The following MXRA7 variants were observed in gnomAD, a reference collection of about 807,000 sequenced individuals.
MXRA7 encodes the protein matrix remodeling associated 7.
In MXRA7, 18 loss-of-function variants were observed where a neutral mutation model predicts 17.4. That is an observed-to-expected ratio of 1.03 (90% confidence interval 0.71 to 1.53). The LOEUF (loss-of-function observed/expected upper bound fraction) is 1.53, where lower values mean the gene tolerates loss of function less well. Among genes scored for constraint, MXRA7 ranks in the 40% most tolerant of loss-of-function variants. The pLI is 0.00. For synonymous variants in MXRA7, 70 were observed against 101.7 expected, an observed-to-expected ratio of 0.69 and a Z score of 1.87; for missense variants, 141 against 209.3, an observed-to-expected ratio of 0.67 and a Z score of 2.01.
chr17:76,710,454 G>C (rs937587981), intron 1 of MXRA7, 151 bp downstream of exon 1: 1 of 572,384 alleles, frequency 1.7e-6, no homozygotes, highest in Non-Finnish European at 2.5e-6. Flanking sequence ...AGCATGGCGG[G>C]ACCTGCATTT....
At chr17:76,702,887 A>ACGTATATATATATATATATATACG in intron 1 of MXRA7, among the ~76,000 whole-genome samples, 1 of 149,632 alleles carries the variant, frequency 6.7e-6, no homozygotes, top group African/African-American at 2.5e-5. Context: ...ATATATATAT[A>ACGTATATATATATATATATATACG]TATCTTGAGG....
chr17:76,691,023 C>T (rs2076474244), intron 1 of MXRA7, among the ~76,000 whole-genome samples: 1 of 152,138 alleles, frequency 6.6e-6, no homozygotes, highest in African/African-American at 2.4e-5. Context: ...GTCTTTTGTT[C>T]TAATGAGGTA....
intron 3 of MXRA7, among the ~76,000 whole-genome samples, chr17:76,684,298 G>A (rs1449982292): frequency 1.3e-5 from 2 of 152,134 alleles, no homozygotes; most frequent in South Asian, 2.1e-4. Context: ...GCTCTGGGTC[G>A]CCAGGCTTGG....
At chr17:76,705,009 C>T (rs2076640647) in intron 1 of MXRA7, among the ~76,000 whole-genome samples, 1 of 152,108 alleles carries the variant, frequency 6.6e-6, no homozygotes, top group Admixed American at 6.5e-5. Flanking sequence ...CTCCCTCCTC[C>T]CACAGTGTGG....
At chr17:76,690,425 A>G (rs963651371) in intron 1 of MXRA7, among the ~76,000 whole-genome samples, 4 of 152,056 alleles carry the variant, frequency 2.6e-5, no homozygotes, top group African/African-American at 4.8e-5. Flanking sequence ...AAAAAAAGTA[A>G]GAGGCCAGGT....
chr17:76,689,263 TTG>T (rs2076449614), intron 1 of MXRA7: 1 of 152,196 alleles, frequency 6.6e-6, no homozygotes, highest in African/African-American at 2.4e-5. Flanking sequence ...GCTAATTTTT[TTG>T]TGTTTTCAGT....
chr17:76,677,386 C>A, downstream of MXRA7: 1 of 507,882 alleles, frequency 2.0e-6, no homozygotes, highest in Non-Finnish European at 3.5e-6. Flanking sequence ...GGGTCAGGGA[C>A]TTTGTCTTCT....
chr17:76,691,427 TGAG>T (rs1417192357), intron 1 of MXRA7, among the ~76,000 whole-genome samples: 1 of 152,042 alleles, frequency 6.6e-6, no homozygotes, highest in Non-Finnish European at 1.5e-5. Context: ...TTACTCAACT[TGAG>T]GAGGGGTTCA....
chr17:76,697,313 G>A (rs1032995906), intron 1 of MXRA7, among the ~76,000 whole-genome samples: 1 of 152,210 alleles, frequency 6.6e-6, no homozygotes, highest in African/African-American at 2.4e-5. Context: ...GGGCTTAGGA[G>A]GACCCGAACC....
chr17:76,703,740 C>CA (rs11304599), intron 1 of MXRA7: 79,023 of 146,930 alleles, frequency 0.54, 21,191 homozygotes, highest in East Asian at 0.78. Context: ...GGTCCTAGCT[C>CA]AAAAAAAAAA....
intron 1 of MXRA7, among the ~76,000 whole-genome samples, chr17:76,696,228 G>C (rs2076531650): frequency 6.6e-6 from 1 of 152,120 alleles, no homozygotes; most frequent in Non-Finnish European, 1.5e-5. Context: ...TTTCAAACAG[G>C]GATAAACAAG....
intron 2 of MXRA7, 42 bp from the exon 3 acceptor site, chr17:76,685,207 G>A (rs909076612): frequency 6.7e-7 from 1 of 1,494,380 alleles, no homozygotes; most frequent in South Asian, 1.1e-5. Flanking sequence ...GTGCTGTAGA[G>A]GCTGGCCCCA....
At chr17:76,682,686 C>T (rs2143580647) in intron 3 of MXRA7, among the ~76,000 whole-genome samples, 1 of 152,142 alleles carries the variant, frequency 6.6e-6, no homozygotes, top group African/African-American at 2.4e-5. Flanking sequence ...TGTGGGGGAG[C>T]AAGCAGATGC....
chr17:76,702,481 C>G (rs940027752), intron 1 of MXRA7, among the ~76,000 whole-genome samples: 1 of 152,012 alleles, frequency 6.6e-6, no homozygotes, highest in Non-Finnish European at 1.5e-5. Flanking sequence ...GCACCCCAGC[C>G]TGGTTCTCTA....
rs926185682 is a variant in MXRA7, at chr17:76,693,705, G to C, written c.343-5529C>G. 5.9e-5 allele frequency among the ~76,000 whole-genome samples: 9 copies of C among 152,104 alleles called. No individual in the cohort carries two copies. In the Middle Eastern group the frequency reaches 0.01, roughly 172 times the overall value. ...ACAAAAAAATTACAAAAATTAGCTG[G>C]GCATGGTGGGATGTGCCTGTAGTCC... is the stretch of plus-strand genomic sequence containing the variant. On this transcript the variant is annotated intron_variant, in intron 1 of 3. Transcript: ENST00000449428.
In MXRA7 at chr17:76,681,349, C is replaced by G. The variant is rs1277446014; in HGVS notation, c.501-470G>C. On this transcript the variant is annotated intron_variant, in intron 3 of 3. Transcript: ENST00000449428. This position sits in a 1 kb window ranked among gnomAD's most constrained non-coding sequence, Gnocchi z 4.7. ...AACTGCATGCCCGTCTTTTATGAAC[C>G]AAGACACACTGCCAGCCCTGGGACC... Among the ~76,000 whole-genome samples, 1 of 152,128 alleles carries G rather than the reference C, an allele frequency of 6.6e-6. No individual in the cohort carries two copies. The highest frequency in any genetic ancestry group is 2.4e-5 in the African/African-American group (1 of 41,410).
chr17:76,687,089 AGGCCACAT>A (rs1480536792), intron 2 of MXRA7, among the ~76,000 whole-genome samples: 1 of 152,200 alleles, frequency 6.6e-6, no homozygotes, highest in Non-Finnish European at 1.5e-5. Flanking sequence ...CAGCTGTCTC[AGGCCACAT>A]GGCAGGGACA....
At position 76,680,144 on chromosome 17, in the gene MXRA7, C is replaced by T. The variant is rs1203901954; in HGVS notation, c.*723G>A. ...GGTCAAGAAATCTTTTTAAAGCAAACATTATTGCTTCTGCTATAGCAGAGT... is the reference window on the plus strand; with the variant it reads ...GGTCAAGAAATCTTTTTAAAGCAAATATTATTGCTTCTGCTATAGCAGAGT... On this transcript the variant is annotated 3_prime_UTR_variant, in exon 4 of 4. Coordinates refer to ENST00000449428, the MANE Select transcript of MXRA7 (RefSeq NM_198530.4). 4.0e-5 allele frequency: 34 copies of T among 843,990 alleles called. No individual in the cohort carries two copies. The highest frequency in any genetic ancestry group is 6.3e-5 in the Admixed American group (1 of 15,930). 52.3% of individuals were successfully genotyped at this position (843,990 alleles called of 1,614,324 possible). A position where few individuals can be genotyped will look rare whatever the true frequency, so the allele number is the denominator to read the frequency against.
downstream of MXRA7, chr17:76,677,620 C>T (rs143033560): frequency 4.3e-4 from 693 of 1,612,902 alleles, 3 homozygotes; most frequent in African/African-American, 8.0e-3. Flanking sequence ...TGCTCCTGCA[C>T]GTCGCCGTCG....
Sources: gnomAD v4.1 joint callset for allele counts (sites outside exome capture counted in the v4.1 genomes callset) on GRCh38, gnomAD v4.1.1 for gene constraint, Gnocchi (gnomAD v3.1) non-coding constraint, MANE v1.5 for transcripts, NCBI Gene and HGNC (gene_info 2026-07-23, HGNC 2026-07-21) for gene names.